The following CCNA2 variants were observed in gnomAD, a reference collection of about 807,000 sequenced individuals.
CCNA2 encodes cyclin A2, also known as cyclin-A2.
A neutral mutation model predicts 49.4 loss-of-function variants in CCNA2; 3 were observed. The ratio of observed to expected loss-of-function variants is 0.06; its 90% CI spans 0.03 to 0.16. The LOEUF is 0.16. Among genes scored for constraint, CCNA2 ranks in the 10% least tolerant of loss-of-function variants. The pLI is 1.00. For missense variants in CCNA2, 372 were observed against 519.7 expected, an observed-to-expected ratio of 0.72 and a Z score of 2.76; for synonymous variants, 206 against 197.2, an observed-to-expected ratio of 1.04 and a Z score of -0.37.
At position 121,820,568 on chromosome 4, in the gene CCNA2, C is replaced by T. The variant is rs938906401; in HGVS notation, c.768G>A (p.Val256=). ...AGGCTAACAGCATAGCAGCAGTGCC[C>T]ACAAGCTGAAGTTTTCCTCTCAGCA... ...MSVLRGKLQL[V]GTAAMLLASK... The change falls in exon 4 of 8, where the codon GTG becomes GTA. Residue 256 remains valine, a synonymous_variant. Coordinates refer to ENST00000274026, the MANE Select transcript of CCNA2 (RefSeq NM_001237.5). The surrounding 1 kb of genome is among the most constrained non-coding windows in gnomAD (Gnocchi z 4.1). The T allele has an allele frequency of 3.1e-6, 5 of 1,613,642 alleles. No homozygotes were observed. The highest frequency in any genetic ancestry group is 4.2e-6 in the Non-Finnish European group (5 of 1,179,590).
In CCNA2 at chr4:121,822,630, T is replaced by A; in HGVS notation, c.230A>T (p.Asp77Val). 1.9e-6 allele frequency: 3 copies of A among 1,613,696 alleles called. No homozygotes were observed. Among genetic ancestry groups the A allele is most frequent in the Admixed American group, 1.7e-5 (1 of 59,918 alleles). Reference protein sequence around the residue: ...PKTRRVAPLKDLPVNDEHVTV... With the variant: ...PKTRRVAPLKVLPVNDEHVTV... ...GACATGCTCATCATTTACAGGAAGA[T>A]CCTTAAGGGGTGCAACCTAAAAAAA... Residue 77 changes from aspartate (D) to valine (V), a missense_variant, in exon 2 of 8, where the codon GAT (aspartate) becomes GTT (valine). Asp to Val is a radical substitution (Grantham distance 152). This residue lies in a region of CCNA2 where 217 missense variants were observed against 231.7 expected (regional missense o/e 0.94). Coordinates refer to ENST00000274026, the MANE Select transcript of CCNA2 (RefSeq NM_001237.5).
In CCNA2 at chr4:121,818,812, C is replaced by T. The variant is rs748007213; in HGVS notation, c.1104G>A (p.Thr368=). 1.0e-5 allele frequency: 16 copies of T among 1,607,912 alleles called. No individual in the cohort carries two copies. Among genetic ancestry groups the T allele is most frequent in the African/African-American group, 8.0e-5 (6 of 74,820 alleles). ...CCGTAATACATACCCAGCTTTGTCC[C>T]GTGACTGTGTAGAGTGCTAAATGAA... is the stretch of plus-strand genomic sequence containing the variant. ...AAFHLALYTV[T]GQSWPESLIR... is the part of the protein sequence containing the mutation. Residue 368 remains threonine, a synonymous_variant, in exon 6 of 8, where the codon ACG becomes ACA. Coordinates refer to ENST00000274026, the MANE Select transcript of CCNA2 (RefSeq NM_001237.5).
At chr4:121,819,037 TCA>T in intron 5 of CCNA2, 124 bp from the exon 6 acceptor site, 1 of 651,734 alleles carries the variant, frequency 1.5e-6, no homozygotes, top group Non-Finnish European at 2.8e-6. Flanking sequence ...AAAAAATATC[TCA>T]CAGCCTCATC....
chr4:121,820,694 G>A lies in CCNA2; in HGVS notation c.642C>T (p.Leu214=), dbSNP rs370704722. The change falls in exon 4 of 8, where the codon CTC becomes CTT. Residue 214 remains leucine (L), a synonymous_variant. Transcript: ENST00000274026. This position sits in a 1 kb window ranked among gnomAD's most constrained non-coding sequence, Gnocchi z 4.1. ...PDITNSMRAI[L]VDWLVEVGEE... ...CTCCTACTTCAACTAACCAGTCCAC[G>A]AGGATAGCTCTCATACTGTTAGTGA... 41 of 1,613,780 alleles carry A rather than the reference G, an allele frequency of 2.5e-5. No individual in the cohort carries two copies. The highest frequency in any genetic ancestry group is 1.3e-4 in the African/African-American group (10 of 74,918).
Position 121,823,679 on chromosome 4 carries a change from T to A in CCNA2, c.-51A>T, listed in dbSNP as rs1368742995. On this transcript the variant is annotated 5_prime_UTR_variant, in exon 1 of 8. Transcript: ENST00000274026. The stretch of plus-strand genomic sequence containing the variant: ...GATCAGCCTGCGGCGCCAAGCAGCG[T>A]GCACTCTGCCCAGCCGACCACTCGC... The A allele has an allele frequency of 1.3e-5, 20 of 1,516,152 alleles. No homozygotes were observed. The highest frequency in any genetic ancestry group is 2.0e-5 in the Admixed American group (1 of 49,778). The allele number at this position is 1,516,152 out of a possible 1,614,324, so 93.9% of individuals were successfully genotyped here.
chr4:121,817,974 G>A (rs1047173521), intron 7 of CCNA2, 70 bp downstream of exon 7: 4 of 1,449,746 alleles, frequency 2.8e-6, no homozygotes, highest in Admixed American at 3.7e-5. Flanking sequence ...TCATGAATAA[G>A]GTTAAAATGT....
In CCNA2 at chr4:121,820,806, G is replaced by A. The variant is rs763610093; in HGVS notation, c.571-41C>T. On this transcript the variant is annotated intron_variant, in intron 3 of 7. Coordinates refer to ENST00000274026, the MANE Select transcript of CCNA2 (RefSeq NM_001237.5). This position sits in a 1 kb window ranked among gnomAD's most constrained non-coding sequence, Gnocchi z 4.1. ...TTTATAGTGTTAAAATTATTCTAGT[G>A]TAAAAACTGCAATTAGATTATTTTA... 7.1e-7 allele frequency: 1 copy of A among 1,412,836 alleles called. No individual in the cohort carries two copies. The highest frequency in any genetic ancestry group is 9.9e-7 in the Non-Finnish European group (1 of 1,011,802). 87.5% of individuals were successfully genotyped at this position (1,412,836 alleles called of 1,614,324 possible).
chr4:121,816,569 A>T lies in CCNA2; in HGVS notation c.*1069T>A. 1 of 808,708 alleles carries T rather than the reference A, an allele frequency of 1.2e-6. No individual in the cohort carries two copies. The highest frequency in any genetic ancestry group is 1.9e-6 in the Non-Finnish European group (1 of 524,686). The allele number at this position is 808,708 out of a possible 1,614,324, so 50.1% of individuals were successfully genotyped here. On this transcript the variant is annotated 3_prime_UTR_variant, in exon 8 of 8. Transcript: ENST00000274026. The stretch of plus-strand genomic sequence containing the variant: ...AACAAAAAGACATCCCTTTTTCATT[A>T]GAGATCCATCTGTTCTGTGATTTTT...
chr4:121,821,195 T>C (rs1356148690), intron 2 of CCNA2, 104 bp from the exon 3 acceptor site: 13 of 1,369,954 alleles, frequency 9.5e-6, no homozygotes, highest in Non-Finnish European at 1.1e-5. Flanking sequence ...AAAGCACTTA[T>C]TTCTTCAAAC....
In CCNA2 at chr4:121,823,693, C is replaced by A; in HGVS notation, c.-65G>T. 6.7e-7 allele frequency: 1 copy of A among 1,489,140 alleles called. No homozygotes were observed. Among genetic ancestry groups the A allele is most frequent in the Non-Finnish European group, 8.9e-7 (1 of 1,120,572 alleles). The allele number at this position is 1,489,140 out of a possible 1,614,324, so 92.2% of individuals were successfully genotyped here. On this transcript the variant is annotated 5_prime_UTR_variant, in exon 1 of 8. Coordinates refer to ENST00000274026, the MANE Select transcript of CCNA2 (RefSeq NM_001237.5). ...GCCAAGCAGCGTGCACTCTGCCCAG[C>A]CGACCACTCGCACCGACCCGGCCAA...
At chr4:121,818,642 C>T (rs1269942045) in intron 6 of CCNA2, among the ~76,000 whole-genome samples, 158 bp downstream of exon 6, 7 of 152,192 alleles carry the variant, frequency 4.6e-5, no homozygotes, top group Non-Finnish European at 7.3e-5. Flanking sequence ...TGGACTCACA[C>T]AGTTCAAACC....
In CCNA2 at chr4:121,816,698, A is replaced by C. The variant is rs1013764329; in HGVS notation, c.*940T>G. On this transcript the variant is annotated 3_prime_UTR_variant, in exon 8 of 8. Coordinates refer to ENST00000274026, the MANE Select transcript of CCNA2 (RefSeq NM_001237.5). ...ACATTTTAGATCCTACTGGAAAACTAAGAAATGCCTCTTATTTCAATAATC... is the reference window on the plus strand; with the variant it reads ...ACATTTTAGATCCTACTGGAAAACTCAGAAATGCCTCTTATTTCAATAATC... The C allele has an allele frequency of 4.2e-6, 6 of 1,432,848 alleles. No individual in the cohort carries two copies. In the African/African-American group the frequency reaches 7.3e-5, roughly 17 times the overall value. The allele number at this position is 1,432,848 out of a possible 1,614,324, so 88.8% of individuals were successfully genotyped here.
chr4:121,822,666 T>C lies in CCNA2; in HGVS notation c.214-20A>G. 1 of 1,608,920 alleles carries C rather than the reference T, an allele frequency of 6.2e-7. No individual in the cohort carries two copies. Among genetic ancestry groups the C allele is most frequent in the Non-Finnish European group, 8.5e-7 (1 of 1,177,816 alleles). Reference sequence around the variant, plus strand: ...TGCAACCTAAAAAAAAATTAATAACTGGCTTTGAGCCTACTAGTCTTGCAT... The same window carrying C: ...TGCAACCTAAAAAAAAATTAATAACCGGCTTTGAGCCTACTAGTCTTGCAT... On this transcript the variant is annotated intron_variant, in intron 1 of 7. Coordinates refer to ENST00000274026, the MANE Select transcript of CCNA2 (RefSeq NM_001237.5).
chr4:121,818,754 A>C, intron 6 of CCNA2, 46 bp downstream of exon 6: 1 of 1,133,074 alleles, frequency 8.8e-7, no homozygotes, highest in Non-Finnish European at 1.3e-6. Flanking sequence ...AATCTGGCAC[A>C]GGCATTTCAG....
chr4:121,820,560 G>A lies in CCNA2; in HGVS notation c.776C>T (p.Ala259Val), dbSNP rs1560632423. 1 of 1,613,152 alleles carries A rather than the reference G, an allele frequency of 6.2e-7. No individual in the cohort carries two copies. The highest frequency in any genetic ancestry group is 8.5e-7 in the Non-Finnish European group (1 of 1,179,154). ...GACTTACGAGGCTAACAGCATAGCA[G>A]CAGTGCCCACAAGCTGAAGTTTTCC... ...LRGKLQLVGTAAMLLASKFEE... is the reference protein window; with the variant it reads ...LRGKLQLVGTVAMLLASKFEE... Residue 259 changes from alanine to valine, a missense_variant, in exon 4 of 8, where the codon GCT becomes GTT. Coordinates refer to ENST00000274026, the MANE Select transcript of CCNA2 (RefSeq NM_001237.5). The surrounding 1 kb of genome is among the most constrained non-coding windows in gnomAD (Gnocchi z 4.1).
Position 121,819,591 on chromosome 4 carries a change from A to G in CCNA2, c.795-12T>C, listed in dbSNP as rs1463994203. 38 of 1,599,330 alleles carry G rather than the reference A, an allele frequency of 2.4e-5. No homozygotes were observed. Among genetic ancestry groups the G allele is most frequent in the Non-Finnish European group, 2.9e-5 (34 of 1,167,626 alleles). ...TTTCTTCAAACTTTCTACAATGAAAAAAGTTTTAAGTAATCAGTCCTAAAA... is the reference window on the plus strand; with the variant it reads ...TTTCTTCAAACTTTCTACAATGAAAGAAGTTTTAAGTAATCAGTCCTAAAA... On this transcript the variant is annotated splice_polypyrimidine_tract_variant and intron_variant, in intron 4 of 7. Transcript: ENST00000274026.
chr4:121,819,543 C>T lies in CCNA2; in HGVS notation c.831G>A (p.Glu277=). The T allele has an allele frequency of 6.2e-7, 1 of 1,613,880 alleles. No homozygotes were observed. Among genetic ancestry groups the T allele is most frequent in the Non-Finnish European group, 8.5e-7 (1 of 1,179,830 alleles). ...FEEIYPPEVA[E]FVYITDDTYT... Reference sequence around the variant, plus strand: ...AGGTATCATCTGTAATGTACACAAACTCTGCTACTTCTGGGGGGTATATTT... The same window carrying T: ...AGGTATCATCTGTAATGTACACAAATTCTGCTACTTCTGGGGGGTATATTT... The change falls in exon 5 of 8, where the codon GAG becomes GAA. Residue 277 remains glutamate (E), a synonymous_variant. Transcript: ENST00000274026.
chr4:121,822,404 A>C lies in CCNA2; in HGVS notation c.456T>G (p.Phe152Leu). ...VPLDYPMDGS[F>L]ESPHTMDMSI... is the part of the protein sequence containing the mutation. ...ACACAGATTTTCCTTAAAACTTACC[A>C]AAACTACCATCCATTGGATAATCAA... The change falls in exon 2 of 8, where the codon TTT (phenylalanine) becomes TTG (leucine). Residue 152 changes from phenylalanine (F) to leucine (L), a missense_variant and splice_region_variant. Phe to Leu is a conservative substitution (Grantham distance 22, BLOSUM62 0). This residue lies in a region of CCNA2 where 217 missense variants were observed against 231.7 expected (regional missense o/e 0.94). Coordinates refer to ENST00000274026, the MANE Select transcript of CCNA2 (RefSeq NM_001237.5). The C allele has an allele frequency of 1.2e-6, 2 of 1,613,182 alleles. No homozygotes were observed. The highest frequency in any genetic ancestry group is 1.7e-6 in the Non-Finnish European group (2 of 1,179,456).
At chr4:121,818,580 T>C (rs1033235154) in intron 6 of CCNA2, among the ~76,000 whole-genome samples, 1 of 152,184 alleles carries the variant, frequency 6.6e-6, no homozygotes, top group South Asian at 2.1e-4. Flanking sequence ...GTGAATCCCC[T>C]GAATACTGTA....
Sources: gnomAD v4.1 joint callset for allele counts (sites outside exome capture counted in the v4.1 genomes callset) on GRCh38, gnomAD v4.1.1 for gene constraint, gnomAD v4.1.1 regional missense constraint, Gnocchi (gnomAD v3.1) non-coding constraint, MANE v1.5 for transcripts, NCBI Gene and HGNC (gene_info 2026-07-23, HGNC 2026-07-21) for gene names.